SHROOM3: variants seen among roughly 807,000 people sequenced by gnomAD.
The protein encoded by SHROOM3 is shroom family member 3.
Under a neutral mutation model 138.6 loss-of-function variants are expected in SHROOM3, and 47 were observed. That is an observed-to-expected ratio of 0.34 (90% CI 0.27 to 0.43). The LOEUF is 0.43. Ranked by LOEUF, SHROOM3 falls within the 20% of genes least tolerant of loss-of-function variation. The pLI, the probability that SHROOM3 is intolerant of heterozygous loss-of-function variation, is 1.00. For synonymous variants in SHROOM3, 1,062 were observed against 1,063.3 expected, an observed-to-expected ratio of 1.00 and a Z score of 0.02; for missense variants, 2,491 against 2,596.5, an observed-to-expected ratio of 0.96 and a Z score of 0.88.
chr4:76,736,182 C>T (rs1023594839), intron 4 of SHROOM3, among the ~76,000 whole-genome samples: 6 of 151,884 alleles, frequency 4.0e-5, no homozygotes, highest in Non-Finnish European at 7.4e-5. Flanking sequence ...GGCTGTCTAG[C>T]GCTTCTTTAG....
intron 1 of SHROOM3, among the ~76,000 whole-genome samples, chr4:76,447,005 T>G (rs1579159535): frequency 6.6e-6 from 1 of 152,184 alleles, no homozygotes; most frequent in Non-Finnish European, 1.5e-5. Flanking sequence ...GCTTTCCTAA[T>G]AGTACACTCT....
intron 2 of SHROOM3, among the ~76,000 whole-genome samples, chr4:76,598,026 C>CT (rs11307449): frequency 0.28 from 38,043 of 137,450 alleles, 6,361 homozygotes; most frequent in Middle Eastern, 0.46. Flanking sequence ...AAATCTATGA[C>CT]TTTTTTTTTT....
intron 2 of SHROOM3, among the ~76,000 whole-genome samples, chr4:76,567,733 G>T (rs957351041): frequency 1.3e-5 from 2 of 152,102 alleles, no homozygotes; most frequent in Non-Finnish European, 2.9e-5. Context: ...ATTATTTTTT[G>T]ATTGTAAATA....
chr4:76,749,200 CT>C, intron 6 of SHROOM3, 110 bp downstream of exon 6: 2 of 1,070,954 alleles, frequency 1.9e-6, no homozygotes, highest in Non-Finnish European at 2.9e-6. Flanking sequence ...GTGTCACATG[CT>C]TTTTTGATTT....
intron 1 of SHROOM3, among the ~76,000 whole-genome samples, chr4:76,535,910 A>C (rs1263738607): frequency 6.6e-6 from 1 of 152,222 alleles, no homozygotes. Flanking sequence ...AAAGAGAAGA[A>C]TAAGCCACAG....
rs1491153477 is a variant in SHROOM3, at chr4:76,651,400, A to AT, written c.324-58756_324-58755insT. Among the ~76,000 whole-genome samples the AT allele has an allele frequency of 3.9e-3, 359 of 93,202 alleles. 4 individuals carry two copies. The highest frequency in any genetic ancestry group is 6.0e-3 in the Non-Finnish European group (288 of 47,706). 61.1% of individuals were successfully genotyped at this position (93,202 alleles called of 152,430 possible). On this transcript the variant is annotated intron_variant, in intron 2 of 10. Transcript: ENST00000296043. ...TATTAACACATCTCATGTAACCCAT[A>AT]AATATATATATATATATATATATAT...
At chr4:76,635,654 CTT>C (rs1273345435) in intron 2 of SHROOM3, among the ~76,000 whole-genome samples, 8 of 152,180 alleles carry the variant, frequency 5.3e-5, no homozygotes, top group Non-Finnish European at 1.2e-4. Flanking sequence ...TACTCACTCT[CTT>C]GGTCTTTCAT....
At chr4:76,546,804 G>T (rs1411152442) in intron 1 of SHROOM3, among the ~76,000 whole-genome samples, 2 of 152,178 alleles carry the variant, frequency 1.3e-5, no homozygotes, top group Non-Finnish European at 2.9e-5. Context: ...GTGAGTGACT[G>T]AAGTGCCCCT....
rs757040989 is a variant in SHROOM3, at chr4:76,730,824, G to A, written c.476G>A (p.Arg159Gln). ...CCCAGGCGCAGTGAGCCTGCAGGCC[G>A]ACCTCACTCGTGGCACACAACTAAA... ...LKHRRSEPAG[R>Q]PHSWHTTKSG... The change falls in exon 4 of 11, where the codon CGA (arginine) becomes CAA (glutamine). Residue 159 changes from arginine to glutamine, a missense_variant. Around this residue, in one of 4 missense-constraint regions of SHROOM3, gnomAD observed 284 missense variants for 322.8 expected, o/e 0.88. Coordinates refer to ENST00000296043, the MANE Select transcript of SHROOM3 (RefSeq NM_020859.4). 2.7e-5 allele frequency: 44 copies of A among 1,613,902 alleles called. No homozygotes were observed. Among genetic ancestry groups the A allele is most frequent in the South Asian group, 1.4e-4 (13 of 91,066 alleles).
At chr4:76,493,223 T>G (rs1215313830) in intron 1 of SHROOM3, among the ~76,000 whole-genome samples, 1 of 48,968 alleles carries the variant, frequency 2.0e-5, no homozygotes, top group African/African-American at 1.0e-4. Flanking sequence ...AAACTCCATC[T>G]CAAAAAAAAA....
intron 4 of SHROOM3, among the ~76,000 whole-genome samples, chr4:76,731,441 T>C (rs528707232): frequency 3.9e-5 from 6 of 152,204 alleles, no homozygotes; most frequent in Non-Finnish European, 7.3e-5. Flanking sequence ...CATAGACTTC[T>C]TTAAAACAGA....
chr4:76,756,746 G>C lies in SHROOM3; in HGVS notation c.5007G>C (p.Glu1669Asp). 6.2e-7 allele frequency: 1 copy of C among 1,614,110 alleles called. No individual in the cohort carries two copies. The highest frequency in any genetic ancestry group is 8.5e-7 in the Non-Finnish European group (1 of 1,180,038). Residue 1669 changes from glutamate (E) to aspartate (D), a missense_variant, in exon 8 of 11, where the codon GAG (glutamate) becomes GAC (aspartate). Physicochemically the swap from Glu to Asp is conservative, Grantham distance 45. This residue lies in a region of SHROOM3 where 470 missense variants were observed against 595.0 expected (regional missense o/e 0.79). Transcript: ENST00000296043. Reference protein sequence around the residue: ...PQKSSEDIRTEALAKEIVHQD... With the variant: ...PQKSSEDIRTDALAKEIVHQD... ...AGAGTTCAGAAGACATCAGAACAGAGGCTTTGGCCAAGGAAATTGTCCACC... is the reference window on the plus strand; with the variant it reads ...AGAGTTCAGAAGACATCAGAACAGACGCTTTGGCCAAGGAAATTGTCCACC...
At chr4:76,579,324 T>C (rs1477136244) in intron 2 of SHROOM3, among the ~76,000 whole-genome samples, 2 of 151,978 alleles carry the variant, frequency 1.3e-5, no homozygotes, top group Admixed American at 6.6e-5. Context: ...AAACATTAGC[T>C]GGGCGTGGTG....
At chr4:76,493,934 A>G (rs1731910260) in intron 1 of SHROOM3, among the ~76,000 whole-genome samples, 2 of 152,194 alleles carry the variant, frequency 1.3e-5, no homozygotes. Context: ...AGCTGAGATT[A>G]TGCCACTGCA....
intron 2 of SHROOM3, 60 bp from the exon 3 acceptor site, chr4:76,710,096 T>C (rs1279344239): frequency 1.9e-6 from 3 of 1,610,814 alleles, no homozygotes; most frequent in African/African-American, 2.7e-5. Context: ...TTAAGATTCA[T>C]TTGTGCTCCT....
intron 1 of SHROOM3, among the ~76,000 whole-genome samples, chr4:76,467,700 G>T (rs1731276415): frequency 6.6e-6 from 1 of 152,186 alleles, no homozygotes; most frequent in African/African-American, 2.4e-5. Flanking sequence ...ACTAAGTGAG[G>T]AAAAGGAGGA....
chr4:76,547,988 T>C (rs1310616326), intron 1 of SHROOM3, among the ~76,000 whole-genome samples: 1 of 145,646 alleles, frequency 6.9e-6, no homozygotes, highest in Non-Finnish European at 1.5e-5. Flanking sequence ...AATGAGAAAA[T>C]AACAATGCGG....
intron 1 of SHROOM3, among the ~76,000 whole-genome samples, chr4:76,505,098 A>C (rs1457863918): frequency 2.0e-5 from 3 of 152,150 alleles, no homozygotes; most frequent in African/African-American, 7.2e-5. Flanking sequence ...TATAGCTTTG[A>C]GTTCTTTTCA....
At chr4:76,482,104 A>G (rs1159052857) in intron 1 of SHROOM3, among the ~76,000 whole-genome samples, 1 of 152,204 alleles carries the variant, frequency 6.6e-6, no homozygotes. Context: ...TAAGACAAGG[A>G]TACCCACTCT....
Sources: gnomAD v4.1 joint callset for allele counts (sites outside exome capture counted in the v4.1 genomes callset) on GRCh38, gnomAD v4.1.1 for gene constraint, gnomAD v4.1.1 regional missense constraint, MANE v1.5 for transcripts, NCBI Gene and HGNC (gene_info 2026-07-23, HGNC 2026-07-21) for gene names.